SNTG1: variants seen among roughly 807,000 people sequenced by gnomAD.
SNTG1 encodes the protein gamma-1-syntrophin.
In SNTG1, 39 loss-of-function variants were observed where a neutral mutation model predicts 74.7. The observed-to-expected ratio is 0.52, with a 90% CI of 0.40 to 0.68. SNTG1 has a LOEUF of 0.68. Among genes scored for constraint, SNTG1 ranks in the 30% least tolerant of loss-of-function variants. The pLI is 0.00. For missense variants in SNTG1, 685 were observed against 609.5 expected (o/e 1.12, Z -1.30); for synonymous variants, 254 against 217.1 (o/e 1.17, Z -1.49).
intron 8 of SNTG1, among the ~76,000 whole-genome samples, chr8:50,477,211 T>A (rs1163734915): frequency 4.0e-5 from 6 of 151,490 alleles, no homozygotes; most frequent in African/African-American, 1.5e-4. Context: ...TTATGAAGAA[T>A]GAAGTATGAA....
intron 1 of SNTG1, among the ~76,000 whole-genome samples, chr8:50,075,938 A>C (rs1460955756): frequency 3.9e-5 from 6 of 152,042 alleles, no homozygotes; most frequent in Non-Finnish European, 2.9e-5. Context: ...ACCTTTAAGA[A>C]CTGTAACACT....
chr8:50,631,258 G>GCA, intron 13 of SNTG1, among the ~76,000 whole-genome samples: 1 of 152,142 alleles, frequency 6.6e-6, no homozygotes, highest in Middle Eastern at 3.2e-3. Context: ...CTTTGTATAA[G>GCA]CACACACAGA....
chr8:50,760,870 G>A (rs1005124289), intron 18 of SNTG1, among the ~76,000 whole-genome samples: 4 of 151,896 alleles, frequency 2.6e-5, no homozygotes, highest in African/African-American at 4.8e-5. Context: ...CTGAAATTGA[G>A]GCAGCAATTA....
intron 9 of SNTG1, among the ~76,000 whole-genome samples, chr8:50,517,214 A>G (rs895971582): frequency 3.2e-4 from 49 of 152,258 alleles, no homozygotes; most frequent in African/African-American, 1.2e-3. Flanking sequence ...AAGCGAAGGA[A>G]AACTAAAATT....
chr8:50,749,531 C>A (rs2095562484), intron 17 of SNTG1, among the ~76,000 whole-genome samples: 3 of 152,004 alleles, frequency 2.0e-5, no homozygotes, highest in African/African-American at 7.2e-5. Context: ...CTGAAACTTT[C>A]ATAGGTAGAG....
intron 4 of SNTG1, among the ~76,000 whole-genome samples, chr8:50,415,344 C>T (rs2093001067): frequency 6.6e-6 from 1 of 151,892 alleles, no homozygotes; most frequent in Non-Finnish European, 1.5e-5. Context: ...AACTAATAGG[C>T]TGAAATCTAT....
intron 8 of SNTG1, among the ~76,000 whole-genome samples, chr8:50,482,335 T>TG (rs2093747624): frequency 6.6e-6 from 1 of 152,214 alleles, no homozygotes; most frequent in African/African-American, 2.4e-5. Flanking sequence ...CAAAGGCATG[T>TG]GGGGCTTCCT....
intron 2 of SNTG1, among the ~76,000 whole-genome samples, chr8:50,178,543 T>C (rs2083084967): frequency 1.3e-5 from 2 of 152,164 alleles, no homozygotes; most frequent in East Asian, 1.9e-4. Flanking sequence ...AAAGAGAAGA[T>C]ACAATATGAA....
At chr8:50,337,877 C>T (rs2091194671) in intron 2 of SNTG1, among the ~76,000 whole-genome samples, 1 of 152,200 alleles carries the variant, frequency 6.6e-6, no homozygotes, top group Admixed American at 6.5e-5. Context: ...TGGCTCACGC[C>T]TGTAATCCCA....
chr8:50,473,858 G>A (rs1046714318), intron 8 of SNTG1, among the ~76,000 whole-genome samples: 3 of 152,108 alleles, frequency 2.0e-5, no homozygotes, highest in Admixed American at 6.6e-5. Flanking sequence ...GGGGTACCTA[G>A]AGTAATAAAA....
At chr8:50,237,923 TCAAA>T (rs1193361135) in intron 2 of SNTG1, among the ~76,000 whole-genome samples, 3 of 152,134 alleles carry the variant, frequency 2.0e-5, no homozygotes, top group South Asian at 2.1e-4. Flanking sequence ...TCATTACTAC[TCAAA>T]CAGTCTTCGT....
chr8:50,167,466 C>T (rs2082661039), intron 1 of SNTG1, among the ~76,000 whole-genome samples: 1 of 151,386 alleles, frequency 6.6e-6, no homozygotes, highest in African/African-American at 2.4e-5. Flanking sequence ...TCACATTGAC[C>T]TCTCTGGACC....
intron 2 of SNTG1, among the ~76,000 whole-genome samples, chr8:50,254,422 G>A (rs951012064): frequency 1.2e-4 from 18 of 152,256 alleles, no homozygotes; most frequent in African/African-American, 4.1e-4. Context: ...CTTATGGTTT[G>A]TTTTATAGCC....
At chr8:50,385,095 C>T (rs551631020) in intron 2 of SNTG1, among the ~76,000 whole-genome samples, 85 of 152,308 alleles carry the variant, frequency 5.6e-4, no homozygotes, top group Admixed American at 2.4e-3. Flanking sequence ...ATGCCAAAGG[C>T]TCTAAACAGC....
intron 1 of SNTG1, among the ~76,000 whole-genome samples, chr8:50,104,354 T>C (rs1192940611): frequency 6.6e-6 from 1 of 152,184 alleles, no homozygotes; most frequent in African/African-American, 2.4e-5. Flanking sequence ...TGCATAGAGG[T>C]GTTTGAAGTA....
Position 50,261,146 on chromosome 8 carries a change from G to A in SNTG1, c.-28+88511G>A, listed in dbSNP as rs1348992434. ...ATTCAAACACAGATCAAAAAAACATGAAAAAGTGAGGTAGGGGTGACAACC... is the reference window on the plus strand; with the variant it reads ...ATTCAAACACAGATCAAAAAAACATAAAAAAGTGAGGTAGGGGTGACAACC... On this transcript the variant is annotated intron_variant, in intron 2 of 18. Coordinates refer to ENST00000642720, the MANE Select transcript of SNTG1 (RefSeq NM_018967.5). 3.3e-5 allele frequency among the ~76,000 whole-genome samples: 5 copies of A among 152,070 alleles called. No homozygotes were observed. In the South Asian group the frequency reaches 1.0e-3, roughly 31 times the overall value.
At chr8:50,290,920 G>C (rs774895064) in intron 2 of SNTG1, among the ~76,000 whole-genome samples, 1 of 151,862 alleles carries the variant, frequency 6.6e-6, no homozygotes, top group Non-Finnish European at 1.5e-5. Flanking sequence ...AACACACCTG[G>C]CTAATTTTGG....
intron 12 of SNTG1, among the ~76,000 whole-genome samples, chr8:50,567,016 G>A (rs918715725): frequency 7.2e-5 from 11 of 152,032 alleles, no homozygotes; most frequent in African/African-American, 2.2e-4. Context: ...ATAAATGGCA[G>A]CCTCTATTTG....
chr8:50,546,734 A>G (rs898178585), intron 11 of SNTG1, among the ~76,000 whole-genome samples: 4 of 152,062 alleles, frequency 2.6e-5, no homozygotes, highest in African/African-American at 9.7e-5. Flanking sequence ...ATGGCTGCAT[A>G]GTATTCCATG....
Sources: gnomAD v4.1 joint callset for allele counts (sites outside exome capture counted in the v4.1 genomes callset) on GRCh38, gnomAD v4.1.1 for gene constraint, MANE v1.5 for transcripts, NCBI Gene and HGNC (gene_info 2026-07-23, HGNC 2026-07-21) for gene names.